Variants in TANC2 observed in about 807,000 individuals in gnomAD.
TANC2 encodes the protein tetratricopeptide repeat, ankyrin repeat and coiled-coil containing 2, also known as protein TANC2.
In TANC2, 26 loss-of-function variants were observed where a neutral mutation model predicts 210.5. The observed-to-expected ratio is 0.12, with a 90% CI of 0.09 to 0.17. The LOEUF (loss-of-function observed/expected upper bound fraction) is 0.17, where lower values mean the gene tolerates loss of function less well. TANC2 is among the 10% of genes least tolerant of loss of function. The pLI is 1.00. For missense variants in TANC2, 2,129 were observed against 2,608.9 expected, an observed-to-expected ratio of 0.82 and a Z score of 4.01; for synonymous variants, 931 against 967.1, an observed-to-expected ratio of 0.96 and a Z score of 0.69.
At chr17:63,142,833 A>G (rs2039334021) in intron 4 of TANC2, among the ~76,000 whole-genome samples, 1 of 152,188 alleles carries the variant, frequency 6.6e-6, no homozygotes, top group African/African-American at 2.4e-5. Flanking sequence ...TGTTAATAGA[A>G]AATTAACATA....
At chr17:63,344,091 C>T (rs1398713947) in intron 12 of TANC2, among the ~76,000 whole-genome samples, 3 of 152,306 alleles carry the variant, frequency 2.0e-5, no homozygotes, top group South Asian at 4.1e-4. Context: ...AGGTGAGCGA[C>T]GGCTACCGCC....
At chr17:63,111,790 A>G (rs989171216) in intron 4 of TANC2, among the ~76,000 whole-genome samples, 2 of 152,130 alleles carry the variant, frequency 1.3e-5, no homozygotes, top group Non-Finnish European at 2.9e-5. Context: ...CAGTGGCACA[A>G]TCTCAGCTCA....
intron 15 of TANC2, among the ~76,000 whole-genome samples, chr17:63,383,519 A>G (rs144428797): frequency 2.0e-5 from 3 of 152,244 alleles, no homozygotes; most frequent in East Asian, 3.9e-4. Context: ...AGATTTCTAC[A>G]TGTCTTTTTT....
At chr17:63,128,683 C>T (rs1337802041) in intron 4 of TANC2, among the ~76,000 whole-genome samples, 1 of 152,196 alleles carries the variant, frequency 6.6e-6, no homozygotes, top group Non-Finnish European at 1.5e-5. Flanking sequence ...TAGTCCCTGT[C>T]GGTGTAGGAT....
chr17:62,985,729 C>A (rs551158594), intron 1 of TANC2, among the ~76,000 whole-genome samples: 2 of 152,146 alleles, frequency 1.3e-5, no homozygotes, highest in East Asian at 3.9e-4. Context: ...TCTTATGATA[C>A]CTATCTCTGT....
chr17:63,038,888 A>G (rs534870661), intron 2 of TANC2, among the ~76,000 whole-genome samples: 4 of 152,282 alleles, frequency 2.6e-5, no homozygotes, highest in African/African-American at 7.2e-5. Context: ...TTGTCTTTTT[A>G]AAGGTTTCTT....
At chr17:63,358,417 G>A (rs1029189681) in intron 14 of TANC2, among the ~76,000 whole-genome samples, 2 of 145,690 alleles carry the variant, frequency 1.4e-5, no homozygotes, top group Non-Finnish European at 3.1e-5. Context: ...GTGTGTATGT[G>A]TGTGTGTATC....
chr17:63,160,794 CT>C (rs781770175), intron 5 of TANC2, among the ~76,000 whole-genome samples: 1 of 152,192 alleles, frequency 6.6e-6, no homozygotes. Context: ...TTCACCAATA[CT>C]ACATATTTTT....
At chr17:63,003,354 C>T (rs977170084) in intron 1 of TANC2, among the ~76,000 whole-genome samples, 2 of 152,114 alleles carry the variant, frequency 1.3e-5, no homozygotes, top group Non-Finnish European at 2.9e-5. Context: ...GTAGTCCCTC[C>T]GTATCCACAT....
At chr17:63,387,631 A>G (rs978849030) in intron 15 of TANC2, among the ~76,000 whole-genome samples, 2 of 152,258 alleles carry the variant, frequency 1.3e-5, no homozygotes, top group African/African-American at 4.8e-5. Flanking sequence ...CATTGTTAAT[A>G]TCTTCCTGCC....
At chr17:63,195,270 C>T (rs1217852217) in intron 6 of TANC2, among the ~76,000 whole-genome samples, 1 of 152,104 alleles carries the variant, frequency 6.6e-6, no homozygotes, top group Non-Finnish European at 1.5e-5. Context: ...ATATTTTCTA[C>T]CTAATGTTTA....
intron 2 of TANC2, among the ~76,000 whole-genome samples, chr17:63,061,770 A>G (rs1236287286): frequency 6.6e-6 from 1 of 151,954 alleles, no homozygotes; most frequent in East Asian, 1.9e-4. Flanking sequence ...TGTCTTCAGT[A>G]TTTGTCACTT....
intron 4 of TANC2, among the ~76,000 whole-genome samples, chr17:63,106,041 A>G (rs2037811023): frequency 6.6e-6 from 1 of 151,620 alleles, no homozygotes; most frequent in African/African-American, 2.4e-5. Context: ...TCTGGACCTC[A>G]TTCAGGGTAC....
At chr17:63,121,850 C>G (rs1280542538) in intron 4 of TANC2, among the ~76,000 whole-genome samples, 3 of 151,822 alleles carry the variant, frequency 2.0e-5, no homozygotes, top group Admixed American at 2.0e-4. Context: ...GCCTGTAGTC[C>G]CAGCTACTTG....
intron 1 of TANC2, among the ~76,000 whole-genome samples, chr17:62,990,309 C>G (rs1427208201): frequency 1.3e-5 from 2 of 152,036 alleles, no homozygotes; most frequent in Non-Finnish European, 2.9e-5. Flanking sequence ...GAGAGAGTCT[C>G]ATTCTGTCAC....
At chr17:63,352,145 A>G (rs2046630454) in intron 13 of TANC2, among the ~76,000 whole-genome samples, 2 of 152,118 alleles carry the variant, frequency 1.3e-5, no homozygotes, top group Non-Finnish European at 1.5e-5. Context: ...GTTTGGAACA[A>G]TGTTTCTCAT....
chr17:63,155,774 G>T (rs550441651), intron 5 of TANC2, among the ~76,000 whole-genome samples: 1 of 152,272 alleles, frequency 6.6e-6, no homozygotes, highest in Admixed American at 6.5e-5. Context: ...AAAACTCAAA[G>T]AGAAAACAGT....
At chr17:63,389,271 G>A (rs2047885436) in intron 16 of TANC2, 37 bp from the exon 17 acceptor site, 1 of 1,524,068 alleles carries the variant, frequency 6.6e-7, no homozygotes, top group Admixed American at 1.7e-5. Flanking sequence ...TGTGACTCCT[G>A]TTTGTCTAAT....
At chr17:63,077,282 A>G (rs2036604458) in intron 3 of TANC2, among the ~76,000 whole-genome samples, 1 of 152,228 alleles carries the variant, frequency 6.6e-6, no homozygotes, top group African/African-American at 2.4e-5. Flanking sequence ...TATTATTCAA[A>G]TATAAGAATA....
Sources: allele counts gnomAD v4.1 joint callset (sites outside exome capture counted in the v4.1 genomes callset), GRCh38; gene constraint gnomAD v4.1.1; transcripts MANE v1.5; gene names NCBI Gene and HGNC (gene_info 2026-07-23, HGNC 2026-07-21).